The following FILIP1L variants were observed in gnomAD, a reference collection of about 807,000 sequenced individuals.
FILIP1L encodes filamin A interacting protein 1 like, also known as filamin A-interacting protein 1-like.
FILIP1L carries 55 observed loss-of-function variants against 96.6 expected under a neutral mutation model. The observed-to-expected ratio is 0.57, with a 90% CI of 0.46 to 0.71. FILIP1L has a LOEUF of 0.71. Ranked by LOEUF, FILIP1L falls within the 30% of genes least tolerant of loss-of-function variation. The pLI, the probability that FILIP1L is intolerant of heterozygous loss-of-function variation, is 0.00. For synonymous variants in FILIP1L, 467 were observed against 473.9 expected (o/e 0.99, Z 0.19); for missense variants, 1,304 against 1,321.2 (o/e 0.99, Z 0.20).
At chr3:99,963,946 G>A (rs1368816049) in intron 1 of FILIP1L, among the ~76,000 whole-genome samples, 1 of 152,134 alleles carries the variant, frequency 6.6e-6, no homozygotes, top group Non-Finnish European at 1.5e-5. Flanking sequence ...TAATTAAAAT[G>A]TGTCATAACG....
chr3:100,062,151 C>T (rs989093370), intron 1 of FILIP1L, among the ~76,000 whole-genome samples: 7 of 126,914 alleles, frequency 5.5e-5, no homozygotes, highest in African/African-American at 2.2e-4. Context: ...TTGCTCTGTC[C>T]CCCAGGCTGG....
At chr3:99,935,867 A>ACTAGAAG (rs1707649256) in intron 1 of FILIP1L, among the ~76,000 whole-genome samples, 1 of 152,214 alleles carries the variant, frequency 6.6e-6, no homozygotes, top group Non-Finnish European at 1.5e-5. Context: ...GTGTCCATGC[A>ACTAGAAG]AGAGGACTAG....
intron 1 of FILIP1L, among the ~76,000 whole-genome samples, chr3:99,991,229 T>C (rs1709501987): frequency 1.3e-5 from 2 of 152,220 alleles, no homozygotes; most frequent in South Asian, 2.1e-4. Context: ...GAGAATGTTC[T>C]CATTAGAAAT....
At chr3:100,047,277 A>G (rs2065292536) in intron 1 of FILIP1L, among the ~76,000 whole-genome samples, 1 of 152,212 alleles carries the variant, frequency 6.6e-6, no homozygotes. Context: ...ACATTTTTAG[A>G]AGAAAAAAAG....
chr3:100,011,287 C>T (rs941779744), intron 1 of FILIP1L, among the ~76,000 whole-genome samples: 2 of 152,080 alleles, frequency 1.3e-5, no homozygotes, highest in African/African-American at 2.4e-5. Flanking sequence ...CTGTAGAACT[C>T]GACACGTGTT....
chr3:100,007,637 T>C (rs1710025824), intron 1 of FILIP1L, among the ~76,000 whole-genome samples: 1 of 152,202 alleles, frequency 6.6e-6, no homozygotes, highest in Non-Finnish European at 1.5e-5. Flanking sequence ...GATTTTGCTC[T>C]AATTGCATTT....
Position 99,972,003 on chromosome 3 carries a change from T to C in FILIP1L, c.-10-40973A>G, listed in dbSNP as rs143598431. On this transcript the variant is annotated intron_variant, in intron 1 of 5. Coordinates refer to ENST00000477258, the MANE Select transcript of FILIP1L (RefSeq NM_001387850.1). ...ATTAGCACACTGACATGGAGTATAG[T>C]CAGCAAATGGATAAGATGGTTAAGT... Among the ~76,000 whole-genome samples, 705 of 152,328 alleles carry C rather than the reference T, an allele frequency of 4.6e-3. 2 individuals carry two copies. Among genetic ancestry groups the C allele is most frequent in the South Asian group, 6.8e-3 (33 of 4,830 alleles).
chr3:99,937,984 G>A (rs1335896487), intron 1 of FILIP1L, among the ~76,000 whole-genome samples: 8 of 152,212 alleles, frequency 5.3e-5, no homozygotes, highest in Admixed American at 2.0e-4. Flanking sequence ...TCTCATAAGA[G>A]ATAGCAAAGA....
At chr3:100,083,388 G>A (rs2065960948) in intron 1 of FILIP1L, among the ~76,000 whole-genome samples, 1 of 152,218 alleles carries the variant, frequency 6.6e-6, no homozygotes, top group Non-Finnish European at 1.5e-5. Flanking sequence ...TGCAAGACAT[G>A]AAACTTCCTA....
chr3:99,954,539 A>C (rs988424647), intron 1 of FILIP1L, among the ~76,000 whole-genome samples: 1 of 152,112 alleles, frequency 6.6e-6, no homozygotes, highest in African/African-American at 2.4e-5. Context: ...AAATAAGAAT[A>C]ACTGGGCTGG....
At chr3:99,891,570 GT>G (rs200616361) in intron 4 of FILIP1L, among the ~76,000 whole-genome samples, 2 of 151,376 alleles carry the variant, frequency 1.3e-5, no homozygotes, top group African/African-American at 4.9e-5. Context: ...GATTTTTTGG[GT>G]TTTTTTTGTT....
rs548256664 is a variant in FILIP1L at position 100,065,079 on chromosome 3, G to A, written c.-11+48974C>T. Among the ~76,000 whole-genome samples, 3 of 152,234 alleles carry A rather than the reference G, an allele frequency of 2.0e-5. No homozygotes were observed. The East Asian group carries it at 5.8e-4, about 29-fold the overall frequency. On this transcript the variant is annotated intron_variant, in intron 1 of 5. Transcript: ENST00000477258. ...TCAGTCTCATAAGATTGTAAACTAT[G>A]AGCCCAAATGCCTGAATTATAAGAC...
chr3:100,051,017 A>G (rs950757689), intron 1 of FILIP1L, among the ~76,000 whole-genome samples: 15 of 152,196 alleles, frequency 9.9e-5, no homozygotes, highest in Non-Finnish European at 1.9e-4. Flanking sequence ...CTTGCAAACA[A>G]TCTTATACCC....
chr3:99,838,888 T>A lies in FILIP1L; in HGVS notation c.3382-8283A>T, dbSNP rs1287933421. On this transcript the variant is annotated intron_variant, in intron 5 of 5. Transcript: ENST00000477258. ...TACCTCACTATGCAGAAACCTTCTG[T>A]GAAGACACAGAGACTCCCTAGTGCT... Among the ~76,000 whole-genome samples, 3 of 152,166 alleles carry A rather than the reference T, an allele frequency of 2.0e-5. No homozygotes were observed. The East Asian group carries it at 5.8e-4, about 29-fold the overall frequency.
intron 1 of FILIP1L, among the ~76,000 whole-genome samples, chr3:100,021,740 C>G (rs1219350640): frequency 6.6e-6 from 1 of 152,140 alleles, no homozygotes; most frequent in African/African-American, 2.4e-5. Context: ...AAGGGAACCT[C>G]CCCTTCCTCA....
At position 100,001,082 on chromosome 3, in the gene FILIP1L, A is replaced by G. The variant is rs561404105; in HGVS notation, c.-10-70052T>C. Among the ~76,000 whole-genome samples, 20 of 152,306 alleles carry G rather than the reference A, an allele frequency of 1.3e-4. No homozygotes were observed. The East Asian group carries it at 3.7e-3, about 28-fold the overall frequency. On this transcript the variant is annotated intron_variant, in intron 1 of 5. Coordinates refer to ENST00000477258, the MANE Select transcript of FILIP1L (RefSeq NM_001387850.1). ...TCTTCCCAAAAATATTATTGTGCCT[A>G]CTTATTAATGCAGTTATTTTAGAGG...
At chr3:99,956,678 G>A (rs189403361) in intron 1 of FILIP1L, among the ~76,000 whole-genome samples, 18 of 152,260 alleles carry the variant, frequency 1.2e-4, no homozygotes, top group Non-Finnish European at 1.8e-4. Context: ...CATAAGCATC[G>A]CCTCTTAAAT....
At chr3:100,014,895 CTTTTTTT>C (rs1233573719) in intron 1 of FILIP1L, among the ~76,000 whole-genome samples, 4 of 25,004 alleles carry the variant, frequency 1.6e-4, no homozygotes, top group African/African-American at 3.5e-4. Context: ...TTCTTTCTTT[CTTTTTTT>C]TTTTTTTTTT....
At position 99,978,866 on chromosome 3, in the gene FILIP1L, C is replaced by T. The variant is rs948209205; in HGVS notation, c.-10-47836G>A. ...CACCACTGCACTCCAGCCTGGGCAACAGAGCGAGACTCTTGTTTACAAAAA... is the reference window on the plus strand; with the variant it reads ...CACCACTGCACTCCAGCCTGGGCAATAGAGCGAGACTCTTGTTTACAAAAA... On this transcript the variant is annotated intron_variant, in intron 1 of 5. Coordinates refer to ENST00000477258, the MANE Select transcript of FILIP1L (RefSeq NM_001387850.1). Among the ~76,000 whole-genome samples the T allele has an allele frequency of 3.3e-5, 5 of 151,582 alleles. No individual in the cohort carries two copies. The South Asian group carries it at 8.3e-4, about 25-fold the overall frequency.
Sources: allele counts gnomAD v4.1 joint callset (sites outside exome capture counted in the v4.1 genomes callset), GRCh38; gene constraint gnomAD v4.1.1; transcripts MANE v1.5; gene names NCBI Gene and HGNC (gene_info 2026-07-23, HGNC 2026-07-21).